SGCZ: variants seen among roughly 807,000 people sequenced by gnomAD.
SGCZ encodes zeta-sarcoglycan.
Under a neutral mutation model 41.3 loss-of-function variants are expected in SGCZ, and 40 were observed. The ratio of observed to expected loss-of-function variants is 0.97; its 90% CI spans 0.75 to 1.26. The LOEUF (loss-of-function observed/expected upper bound fraction) is 1.26. Ranked by LOEUF, SGCZ falls within the 50% of genes most tolerant of loss-of-function variation. The probability of loss-of-function intolerance (pLI) is 0.00; values close to 1 mark genes in which losing one functional copy is unlikely to be tolerated. For missense variants in SGCZ, 552 were observed against 369.8 expected (o/e 1.49, Z -4.04); for synonymous variants, 206 against 137.5 (o/e 1.50, Z -3.49).
intron 1 of SGCZ, among the ~76,000 whole-genome samples, chr8:14,960,705 T>G (rs1800935568): frequency 6.6e-6 from 1 of 152,112 alleles, no homozygotes; most frequent in Non-Finnish European, 1.5e-5. Context: ...ATAAATACTG[T>G]ACCACTTCTG....
intron 1 of SGCZ, among the ~76,000 whole-genome samples, chr8:14,847,558 C>T (rs755024914): frequency 1.3e-5 from 2 of 149,884 alleles, no homozygotes; most frequent in Middle Eastern, 3.4e-3. Flanking sequence ...AGAAAATGTG[C>T]TTAATAAAAT....
At chr8:14,248,577 A>C (rs960628989) in intron 3 of SGCZ, among the ~76,000 whole-genome samples, 6 of 152,182 alleles carry the variant, frequency 3.9e-5, no homozygotes, top group Non-Finnish European at 7.3e-5. Flanking sequence ...AAAGGACATC[A>C]TATTTAAATA....
At chr8:14,223,179 G>A (rs947759510) in intron 4 of SGCZ, among the ~76,000 whole-genome samples, 3 of 151,926 alleles carry the variant, frequency 2.0e-5, no homozygotes, top group Admixed American at 6.6e-5. Flanking sequence ...TCCTTTGTAC[G>A]TTTTACCCTT....
intron 2 of SGCZ, among the ~76,000 whole-genome samples, chr8:14,519,509 T>C (rs1214611715): frequency 6.6e-6 from 1 of 152,126 alleles, no homozygotes; most frequent in Non-Finnish European, 1.5e-5. Flanking sequence ...CATTGCAACG[T>C]TCATGTTAAA....
chr8:14,461,450 T>G (rs372854521), intron 2 of SGCZ, among the ~76,000 whole-genome samples: 1 of 152,120 alleles, frequency 6.6e-6, no homozygotes, highest in South Asian at 2.1e-4. Flanking sequence ...AAATGGGTAC[T>G]GTAGAGCCTT....
chr8:14,795,691 A>C (rs1240477671), intron 1 of SGCZ, among the ~76,000 whole-genome samples: 1 of 152,080 alleles, frequency 6.6e-6, no homozygotes, highest in Non-Finnish European at 1.5e-5. Context: ...TTTCATTTCA[A>C]GTTCAGGGGT....
intron 1 of SGCZ, among the ~76,000 whole-genome samples, chr8:14,883,250 A>AC (rs972949355): frequency 2.7e-5 from 4 of 150,936 alleles, no homozygotes; most frequent in South Asian, 2.1e-4. Flanking sequence ...AAAAAAAAAA[A>AC]CCACAGAGTG....
intron 2 of SGCZ, among the ~76,000 whole-genome samples, chr8:14,457,901 C>T (rs958472022): frequency 1.3e-5 from 2 of 152,082 alleles, no homozygotes; most frequent in Admixed American, 6.6e-5. Flanking sequence ...GGTAGTGGTC[C>T]CCGGGGCCCA....
chr8:14,140,348 G>A (rs1263657240), intron 5 of SGCZ, among the ~76,000 whole-genome samples: 1 of 151,916 alleles, frequency 6.6e-6, no homozygotes, highest in African/African-American at 2.4e-5. Context: ...AGAAAGAAAG[G>A]GTATTCAATT....
intron 1 of SGCZ, among the ~76,000 whole-genome samples, chr8:14,726,151 CG>C (rs1810042639): frequency 6.7e-6 from 1 of 149,794 alleles, no homozygotes; most frequent in Non-Finnish European, 1.5e-5. Flanking sequence ...CCCAGCTACT[CG>C]GGAGGCTGAG....
intron 1 of SGCZ, among the ~76,000 whole-genome samples, chr8:14,932,824 A>T (rs867004947): frequency 3.3e-5 from 5 of 152,066 alleles, no homozygotes; most frequent in Non-Finnish European, 5.9e-5. Context: ...CAGAGCTTGA[A>T]CTAAAACAAG....
chr8:14,946,054 A>ATATG (rs1554526190), intron 1 of SGCZ, among the ~76,000 whole-genome samples: 7 of 90,984 alleles, frequency 7.7e-5, no homozygotes, highest in African/African-American at 3.0e-4. Context: ...ATATATATAT[A>ATATG]TGAATCATTC....
At chr8:14,672,691 C>A (rs978942853) in intron 1 of SGCZ, among the ~76,000 whole-genome samples, 1 of 152,224 alleles carries the variant, frequency 6.6e-6, no homozygotes, top group Admixed American at 6.5e-5. Flanking sequence ...CTCAGGACAA[C>A]CCTCCATCAC....
rs185168721 is a variant in SGCZ, at chr8:15,052,880, T to C, written c.39+184705A>G. Among the ~76,000 whole-genome samples, 387 of 152,266 alleles carry C rather than the reference T, an allele frequency of 2.5e-3. 2 individuals are homozygous for C. The highest frequency in any genetic ancestry group is 7.6e-3 in the African/African-American group (316 of 41,562). ...GAACTCTCTATGAAAAACATTGACC[T>C]AATATATTTATTCTTGATCTTAAAT... is the stretch of plus-strand genomic sequence containing the variant. On this transcript the variant is annotated intron_variant, in intron 1 of 7. Coordinates refer to ENST00000382080, the MANE Select transcript of SGCZ (RefSeq NM_139167.4).
chr8:14,867,563 C>A (rs1803978321), intron 1 of SGCZ, among the ~76,000 whole-genome samples: 1 of 152,098 alleles, frequency 6.6e-6, no homozygotes, highest in African/African-American at 2.4e-5. Flanking sequence ...ATTTACACTC[C>A]CACCAAGTGC....
In SGCZ at chr8:14,891,279, G is replaced by A. The variant is rs142090153; in HGVS notation, c.40-336353C>T. On this transcript the variant is annotated intron_variant, in intron 1 of 7. Coordinates refer to ENST00000382080, the MANE Select transcript of SGCZ (RefSeq NM_139167.4). ...GAAAGGATTTGCCATTCTCAGTACTGTGAAGAAGATCCATGATTCATGAAA... is the reference window on the plus strand; with the variant it reads ...GAAAGGATTTGCCATTCTCAGTACTATGAAGAAGATCCATGATTCATGAAA... Among the ~76,000 whole-genome samples the A allele has an allele frequency of 1.5e-3, 221 of 152,304 alleles. 2 individuals carry two copies. Among genetic ancestry groups the A allele is most frequent in the Admixed American group, 6.3e-3 (97 of 15,290 alleles).
intron 1 of SGCZ, among the ~76,000 whole-genome samples, chr8:15,015,184 A>C (rs143729690): frequency 6.6e-6 from 1 of 152,064 alleles, no homozygotes; most frequent in African/African-American, 2.4e-5. Flanking sequence ...CAGAGGCTGC[A>C]GTGAGCCAAG....
At chr8:15,174,235 C>G (rs544338643) in intron 1 of SGCZ, among the ~76,000 whole-genome samples, 1 of 152,232 alleles carries the variant, frequency 6.6e-6, no homozygotes, top group South Asian at 2.1e-4. Flanking sequence ...ACTGTTACAT[C>G]ATGTAGGGTA....
intron 4 of SGCZ, among the ~76,000 whole-genome samples, chr8:14,197,389 G>A (rs971218695): frequency 2.6e-5 from 4 of 151,900 alleles, no homozygotes; most frequent in Admixed American, 1.3e-4. Context: ...AGTCTTCAAT[G>A]TATTGGATAA....
Sources: allele counts gnomAD v4.1 joint callset (sites outside exome capture counted in the v4.1 genomes callset), GRCh38; gene constraint gnomAD v4.1.1; transcripts MANE v1.5; gene names NCBI Gene and HGNC (gene_info 2026-07-23, HGNC 2026-07-21).